NALF1: variants seen among roughly 807,000 people sequenced by gnomAD.
The protein encoded by NALF1 is family with sequence similarity 155 member A.
A neutral mutation model predicts 48.4 loss-of-function variants in NALF1; 3 were observed. The ratio of observed to expected loss-of-function variants is 0.06; its 90% CI spans 0.03 to 0.16. NALF1 has a LOEUF of 0.16. Among genes scored for constraint, NALF1 ranks in the 10% least tolerant of loss-of-function variants. The pLI is 1.00. For missense variants in NALF1, 526 were observed against 571.5 expected, an observed-to-expected ratio of 0.92 and a Z score of 0.81; for synonymous variants, 262 against 245.7, an observed-to-expected ratio of 1.07 and a Z score of -0.62.
chr13:107,265,014 G>C (rs1881011648), intron 1 of NALF1, among the ~76,000 whole-genome samples: 1 of 152,184 alleles, frequency 6.6e-6, no homozygotes, highest in Non-Finnish European at 1.5e-5. Context: ...CATCATGTGA[G>C]AAGGCAATTT....
At chr13:107,369,072 G>T (rs1472310348) in intron 1 of NALF1, among the ~76,000 whole-genome samples, 1 of 151,976 alleles carries the variant, frequency 6.6e-6, no homozygotes, top group Non-Finnish European at 1.5e-5. Context: ...CCCAATTATT[G>T]CCTCCATGTC....
At chr13:107,517,002 T>C (rs1213778122) in intron 1 of NALF1, among the ~76,000 whole-genome samples, 1 of 152,216 alleles carries the variant, frequency 6.6e-6, no homozygotes, top group Admixed American at 6.5e-5. Flanking sequence ...GGTGCCAGGC[T>C]ATAGTTGGAA....
chr13:107,367,728 T>C (rs1382459731), intron 1 of NALF1, among the ~76,000 whole-genome samples: 3 of 152,156 alleles, frequency 2.0e-5, no homozygotes, highest in African/African-American at 4.8e-5. Context: ...TTTGACATCA[T>C]GGCTACCTTG....
intron 1 of NALF1, among the ~76,000 whole-genome samples, chr13:107,426,519 G>C (rs1269202355): frequency 2.0e-5 from 3 of 152,086 alleles, no homozygotes; most frequent in Non-Finnish European, 4.4e-5. Flanking sequence ...CACAATCTTT[G>C]AAATTTAGAA....
chr13:107,592,742 C>G (rs200631326), intron 1 of NALF1, among the ~76,000 whole-genome samples: 1 of 151,838 alleles, frequency 6.6e-6, no homozygotes, highest in Non-Finnish European at 1.5e-5. Context: ...AAGGTCCAAA[C>G]AGATCATTCA....
chr13:107,483,233 T>G (rs1885280751), intron 1 of NALF1, among the ~76,000 whole-genome samples: 1 of 152,312 alleles, frequency 6.6e-6, no homozygotes, highest in South Asian at 2.1e-4. Flanking sequence ...TGCTTTAAGC[T>G]AAGCTAGGTA....
intron 1 of NALF1, among the ~76,000 whole-genome samples, chr13:107,774,474 G>A (rs1009749948): frequency 2.0e-5 from 3 of 152,098 alleles, no homozygotes; most frequent in Admixed American, 6.5e-5. Context: ...TATATGTTCC[G>A]TTATCTTTTC....
At chr13:107,714,643 A>G (rs1223138027) in intron 1 of NALF1, among the ~76,000 whole-genome samples, 1 of 151,480 alleles carries the variant, frequency 6.6e-6, no homozygotes, top group Non-Finnish European at 1.5e-5. Flanking sequence ...AAAAAAAGAA[A>G]GATAAAATTG....
At chr13:107,734,645 G>A (rs926258322) in intron 1 of NALF1, among the ~76,000 whole-genome samples, 4 of 152,008 alleles carry the variant, frequency 2.6e-5, no homozygotes, top group Admixed American at 1.3e-4. Context: ...GATAATAGAT[G>A]GGTGACTTGA....
At chr13:107,786,378 T>C (rs990273144) in intron 1 of NALF1, among the ~76,000 whole-genome samples, 1 of 130,258 alleles carries the variant, frequency 7.7e-6, no homozygotes, top group African/African-American at 3.0e-5. Flanking sequence ...ATCGCACCAT[T>C]GCACTCCAGC....
chr13:107,295,600 C>T (rs1389671160), intron 1 of NALF1, among the ~76,000 whole-genome samples: 1 of 152,100 alleles, frequency 6.6e-6, no homozygotes, highest in East Asian at 1.9e-4. Context: ...GGCTCTCATG[C>T]TCTCTATTGC....
chr13:107,623,114 T>C (rs115573098), intron 1 of NALF1, among the ~76,000 whole-genome samples: 104 of 152,314 alleles, frequency 6.8e-4, no homozygotes, highest in African/African-American at 2.4e-3. Context: ...CACCTAGATC[T>C]ATAACTCCCT....
At chr13:107,352,963 AT>A (rs1176198903) in intron 1 of NALF1, among the ~76,000 whole-genome samples, 1 of 152,054 alleles carries the variant, frequency 6.6e-6, no homozygotes, top group East Asian at 1.9e-4. Flanking sequence ...ATGCTTAGGT[AT>A]TTTTTATATA....
chr13:107,316,167 G>A (rs1045968644), intron 1 of NALF1, among the ~76,000 whole-genome samples: 1 of 151,978 alleles, frequency 6.6e-6, no homozygotes, highest in Non-Finnish European at 1.5e-5. Flanking sequence ...TTGACCTTGC[G>A]ATAGTTTGCT....
At chr13:107,549,999 T>C (rs1877247233) in intron 1 of NALF1, among the ~76,000 whole-genome samples, 1 of 152,178 alleles carries the variant, frequency 6.6e-6, no homozygotes, top group Non-Finnish European at 1.5e-5. Flanking sequence ...CATTAAATTT[T>C]TAGAAACTAT....
chr13:107,707,011 C>T (rs1419679230), intron 1 of NALF1, among the ~76,000 whole-genome samples: 1 of 147,192 alleles, frequency 6.8e-6, no homozygotes, highest in Non-Finnish European at 1.5e-5. Context: ...CAAGCTCCGC[C>T]TCCCGGGTTC....
At chr13:107,443,194 ATC>A in intron 1 of NALF1, among the ~76,000 whole-genome samples, 2 of 150,166 alleles carry the variant, frequency 1.3e-5, no homozygotes, top group African/African-American at 5.0e-5. Context: ...CTATCTATCT[ATC>A]TATCTATCTA....
At chr13:107,479,273 G>C (rs1031208400) in intron 1 of NALF1, among the ~76,000 whole-genome samples, 1 of 152,112 alleles carries the variant, frequency 6.6e-6, no homozygotes, top group Non-Finnish European at 1.5e-5. Context: ...AGCTATCAGG[G>C]TCTGACTTCT....
At chr13:107,332,445 C>A (rs1252870549) in intron 1 of NALF1, among the ~76,000 whole-genome samples, 1 of 152,210 alleles carries the variant, frequency 6.6e-6, no homozygotes, top group Non-Finnish European at 1.5e-5. Flanking sequence ...GTTCACAGAG[C>A]TACAGCCGGA....
Sources: allele counts gnomAD v4.1 joint callset (sites outside exome capture counted in the v4.1 genomes callset), GRCh38; gene constraint gnomAD v4.1.1; transcripts MANE v1.5; gene names NCBI Gene and HGNC (gene_info 2026-07-23, HGNC 2026-07-21).